Variants in MECOM observed in about 807,000 individuals in gnomAD.
The protein encoded by MECOM is MDS1 and EVI1 complex locus.
Under a neutral mutation model 116.3 loss-of-function variants are expected in MECOM, and 13 were observed. That is an observed-to-expected ratio of 0.11 (90% CI 0.07 to 0.18). The LOEUF (loss-of-function observed/expected upper bound fraction) is 0.18. MECOM is among the 10% of genes least tolerant of loss of function. MECOM has a pLI of 1.00. For missense variants in MECOM, 1,299 were observed against 1,509.0 expected, an observed-to-expected ratio of 0.86 and a Z score of 2.31; for synonymous variants, 528 against 535.2, an observed-to-expected ratio of 0.99 and a Z score of 0.19.
chr3:169,455,035 G>C (rs377764857), intron 1 of MECOM, among the ~76,000 whole-genome samples: 2 of 152,074 alleles, frequency 1.3e-5, no homozygotes, highest in South Asian at 4.1e-4. Flanking sequence ...GACTTACTAC[G>C]TGTTTTCCAG....
At chr3:169,125,373 C>A (rs975346049) in intron 5 of MECOM, among the ~76,000 whole-genome samples, 2 of 152,038 alleles carry the variant, frequency 1.3e-5, no homozygotes, top group South Asian at 2.1e-4. Context: ...TACAGGCAAG[C>A]CATTTTATGA....
intron 2 of MECOM, among the ~76,000 whole-genome samples, chr3:169,336,495 T>C (rs1287586632): frequency 6.6e-6 from 1 of 152,068 alleles, no homozygotes; most frequent in East Asian, 1.9e-4. Flanking sequence ...TCAATATAAT[T>C]CACTTATCAG....
In MECOM at chr3:169,083,819, A is replaced by G. The variant is rs1429022290; in HGVS notation, c.*1090T>C. On this transcript the variant is annotated 3_prime_UTR_variant, in exon 17 of 17. Coordinates refer to ENST00000651503, the MANE Select transcript of MECOM (RefSeq NM_004991.4). The stretch of plus-strand genomic sequence containing the variant: ...CATAAAATATGGAGTACAGTTTTTA[A>G]TCAGAAGAATCATGCTTCCATGAAA... 1.4e-5 allele frequency: 3 copies of G among 213,720 alleles called. No individual in the cohort carries two copies. The East Asian group carries it at 2.1e-4, about 15-fold the overall frequency. The allele number at this position is 213,720 out of a possible 1,614,324, so 13.2% of individuals were successfully genotyped here.
intron 1 of MECOM, among the ~76,000 whole-genome samples, chr3:169,541,964 C>G (rs1313497617): frequency 6.6e-6 from 1 of 152,120 alleles, no homozygotes; most frequent in African/African-American, 2.4e-5. Context: ...AAGTACTGTG[C>G]AGTTCTTTAT....
intron 12 of MECOM, among the ~76,000 whole-genome samples, 162 bp from the exon 13 acceptor site, chr3:169,095,407 T>A (rs1721150832): frequency 1.3e-5 from 2 of 152,208 alleles, no homozygotes; most frequent in African/African-American, 4.8e-5. Flanking sequence ...AATTCCAATA[T>A]ACTCTGATTG....
At chr3:169,623,624 GTT>G (rs1771007944) in intron 1 of MECOM, among the ~76,000 whole-genome samples, 1 of 151,962 alleles carries the variant, frequency 6.6e-6, no homozygotes, top group South Asian at 2.1e-4. Flanking sequence ...GAGGATTGTG[GTT>G]TACATTTTCT....
intron 2 of MECOM, among the ~76,000 whole-genome samples, chr3:169,175,225 T>C (rs1043930474): frequency 3.9e-5 from 6 of 152,140 alleles, no homozygotes; most frequent in African/African-American, 1.4e-4. Context: ...AGTCACCCAA[T>C]AGTCTTAAGA....
chr3:169,292,123 A>G (rs1190671492), intron 2 of MECOM, among the ~76,000 whole-genome samples: 1 of 152,076 alleles, frequency 6.6e-6, no homozygotes, highest in Non-Finnish European at 1.5e-5. Context: ...CAGGTGGATC[A>G]CTTGAGGTCA....
chr3:169,301,990 A>T (rs1716799193), intron 2 of MECOM, among the ~76,000 whole-genome samples: 2 of 152,184 alleles, frequency 1.3e-5, no homozygotes, highest in African/African-American at 4.8e-5. Context: ...ATTCTAGGAG[A>T]TGTCAAAGAG....
At chr3:169,527,240 T>C (rs529667011) in intron 1 of MECOM, among the ~76,000 whole-genome samples, 21 of 152,220 alleles carry the variant, frequency 1.4e-4, no homozygotes, top group Admixed American at 3.3e-4. Flanking sequence ...CAGAGGGAAG[T>C]GAGCAGGAAT....
At chr3:169,345,741 T>C (rs1725239462) in intron 2 of MECOM, among the ~76,000 whole-genome samples, 1 of 152,110 alleles carries the variant, frequency 6.6e-6, no homozygotes. Flanking sequence ...CTAATGTCTT[T>C]AAGCTATGTG....
intron 1 of MECOM, among the ~76,000 whole-genome samples, chr3:169,385,175 A>G (rs1733115383): frequency 6.6e-6 from 1 of 151,732 alleles, no homozygotes; most frequent in African/African-American, 2.4e-5. Context: ...TTATCCCATG[A>G]CCTCTGAATT....
chr3:169,650,598 A>G (rs1774770517), intron 1 of MECOM, among the ~76,000 whole-genome samples: 1 of 152,130 alleles, frequency 6.6e-6, no homozygotes, highest in South Asian at 2.1e-4. Context: ...TTTTAGAAAG[A>G]TATACCTTAG....
intron 2 of MECOM, among the ~76,000 whole-genome samples, chr3:169,277,543 G>A (rs1038987229): frequency 6.6e-6 from 1 of 152,138 alleles, no homozygotes; most frequent in African/African-American, 2.4e-5. Context: ...CACTCTCCCA[G>A]TTGAGCACAG....
chr3:169,250,886 A>G (rs1420935050), intron 2 of MECOM, among the ~76,000 whole-genome samples: 1 of 152,206 alleles, frequency 6.6e-6, no homozygotes, highest in Non-Finnish European at 1.5e-5. Flanking sequence ...TCTGGCCAGC[A>G]TTTTGAGAAT....
Position 169,611,555 on chromosome 3 carries a change from T to C in MECOM, c.37+51781A>G, listed in dbSNP as rs975899188. On this transcript the variant is annotated intron_variant, in intron 1 of 16. Coordinates refer to ENST00000651503, the MANE Select transcript of MECOM (RefSeq NM_004991.4). This position sits in a 1 kb window ranked among gnomAD's most constrained non-coding sequence, Gnocchi z 4.1. Reference sequence around the variant, plus strand: ...CAGTTTTTAGTTGCACGTAGTAGCATACAAACAATGGCAAAAAGAATATTA... The same window carrying C: ...CAGTTTTTAGTTGCACGTAGTAGCACACAAACAATGGCAAAAAGAATATTA... Among the ~76,000 whole-genome samples, 3 of 152,228 alleles carry C rather than the reference T, an allele frequency of 2.0e-5. No individual in the cohort carries two copies. Among genetic ancestry groups the C allele is most frequent in the Admixed American group, 2.0e-4 (3 of 15,280 alleles).
At chr3:169,569,935 A>G (rs1763682068) in intron 1 of MECOM, among the ~76,000 whole-genome samples, 1 of 152,218 alleles carries the variant, frequency 6.6e-6, no homozygotes, top group Non-Finnish European at 1.5e-5. Flanking sequence ...TAAAAGAACT[A>G]GAGAAGCAAG....
At chr3:169,417,729 C>T (rs1428599430) in intron 1 of MECOM, among the ~76,000 whole-genome samples, 5 of 151,788 alleles carry the variant, frequency 3.3e-5, no homozygotes, top group Middle Eastern at 3.2e-3. Flanking sequence ...CAATGATAGA[C>T]TGGATTAAGA....
chr3:169,551,458 A>G (rs1761395320), intron 1 of MECOM, among the ~76,000 whole-genome samples: 1 of 152,150 alleles, frequency 6.6e-6, no homozygotes, highest in African/African-American at 2.4e-5. Flanking sequence ...GTCTTGGTTT[A>G]CGCAGTGCCC....
Sources: gnomAD v4.1 joint callset for allele counts (sites outside exome capture counted in the v4.1 genomes callset) on GRCh38, gnomAD v4.1.1 for gene constraint, Gnocchi (gnomAD v3.1) non-coding constraint, MANE v1.5 for transcripts, NCBI Gene and HGNC (gene_info 2026-07-23, HGNC 2026-07-21) for gene names.